Variants in RANBP2 observed in about 807,000 individuals in gnomAD.
RANBP2 encodes the protein RAN binding protein 2.
A neutral mutation model predicts 303.6 loss-of-function variants in RANBP2; 57 were observed. The ratio of observed to expected loss-of-function variants is 0.19; its 90% confidence interval spans 0.15 to 0.23. The LOEUF (loss-of-function observed/expected upper bound fraction) is 0.23, where lower values mean the gene tolerates loss of function less well. RANBP2 is among the 10% of genes least tolerant of loss of function. The probability of loss-of-function intolerance (pLI) is 1.00; values close to 1 mark genes in which losing one functional copy is unlikely to be tolerated. For missense variants in RANBP2, 3,138 were observed against 3,780.8 expected (o/e 0.83, Z 4.46); for synonymous variants, 1,167 against 1,301.5 (o/e 0.90, Z 2.23).
At chr2:108,918,079 A>G in the RANBP2 span, among the ~76,000 whole-genome samples, 1 of 152,224 alleles carries the variant, frequency 6.6e-6, no homozygotes, top group African/African-American at 2.4e-5. Context: ...GGTTTGGGCA[A>G]AACCCAGAAT....
At chr2:109,673,737 GGAA>G in the RANBP2 span, among the ~76,000 whole-genome samples, 2 of 151,958 alleles carry the variant, frequency 1.3e-5, no homozygotes, top group African/African-American at 4.8e-5. Flanking sequence ...GGTGGTGGTT[GGAA>G]GAAGGAGAAA....
chr2:109,255,811 CTGTT>C, the RANBP2 span, among the ~76,000 whole-genome samples: 1 of 152,334 alleles, frequency 6.6e-6, no homozygotes, highest in South Asian at 2.1e-4. Flanking sequence ...GCCCTGCCGA[CTGTT>C]TGTGCTTTTA....
chr2:108,724,524 G>A (rs1214383248), intron 1 of RANBP2, among the ~76,000 whole-genome samples: 1 of 152,068 alleles, frequency 6.6e-6, no homozygotes, highest in African/African-American at 2.4e-5. Context: ...TTAGGAGTCC[G>A]ATGAGATTCT....
the RANBP2 span, among the ~76,000 whole-genome samples, chr2:108,843,657 A>T: frequency 2.0e-5 from 3 of 151,850 alleles, no homozygotes; most frequent in Non-Finnish European, 4.4e-5. Context: ...TATTTTCCCC[A>T]TATATGTAAG....
the RANBP2 span, among the ~76,000 whole-genome samples, chr2:109,595,731 C>A: frequency 6.6e-6 from 1 of 152,278 alleles, no homozygotes; most frequent in Admixed American, 6.5e-5. Context: ...AAGGAAAAAA[C>A]GAACAGATTA....
In RANBP2 at chr2:108,767,121, A is replaced by G. The variant is rs1242428492; in HGVS notation, c.6582A>G (p.Glu2194=). Reference sequence around the variant, plus strand: ...ATGATCAAACAAAAGTCACTGAGGAAGAAAATAAGGGTTCAGGTACAGGTG... The same window carrying G: ...ATGATCAAACAAAAGTCACTGAGGAGGAAAATAAGGGTTCAGGTACAGGTG... ...LTNDQTKVTE[E]ENKGSGTGAA... is the part of the protein sequence containing the mutation. The change falls in exon 20 of 29, where the codon GAA becomes GAG. Residue 2194 remains glutamate, a synonymous_variant. Coordinates refer to ENST00000283195, the MANE Select transcript of RANBP2 (RefSeq NM_006267.5). The G allele has an allele frequency of 2.5e-6, 4 of 1,611,638 alleles. No individual in the cohort carries two copies. In the African/African-American group the frequency reaches 5.3e-5, roughly 22 times the overall value.
chr2:109,007,493 A>G, the RANBP2 span, among the ~76,000 whole-genome samples: 30,086 of 152,128 alleles, frequency 0.2, 3,091 homozygotes, highest in Middle Eastern at 0.32. Context: ...TCCCATATTT[A>G]CTGCCACCTC....
chr2:109,066,594 G>T, the RANBP2 span, among the ~76,000 whole-genome samples: 1 of 152,118 alleles, frequency 6.6e-6, no homozygotes, highest in African/African-American at 2.4e-5. Flanking sequence ...CTGCCCACAG[G>T]TCAATTCCGA....
the RANBP2 span, among the ~76,000 whole-genome samples, chr2:108,835,761 AACTC>A: frequency 6.6e-6 from 1 of 152,220 alleles, no homozygotes; most frequent in Admixed American, 6.5e-5. Flanking sequence ...GCAAAACTAA[AACTC>A]AGTACCAATT....
At chr2:109,404,499 C>T in the RANBP2 span, among the ~76,000 whole-genome samples, 5 of 152,098 alleles carry the variant, frequency 3.3e-5, no homozygotes, top group Admixed American at 3.3e-4. Context: ...GGGAGTGGGG[C>T]CTAGACGGAA....
the RANBP2 span, among the ~76,000 whole-genome samples, chr2:109,670,084 G>A: frequency 3.3e-5 from 5 of 152,264 alleles, no homozygotes; most frequent in East Asian, 1.9e-4. Context: ...TGCGGCAGAC[G>A]GTTCCTCCTC....
chr2:108,802,284 T>C, the RANBP2 span, among the ~76,000 whole-genome samples: 1 of 75,150 alleles, frequency 1.3e-5, no homozygotes, highest in Non-Finnish European at 2.4e-5. Flanking sequence ...TTCCATTTGT[T>C]TGTATCCTCT....
the RANBP2 span, among the ~76,000 whole-genome samples, chr2:109,152,723 C>A: frequency 2.6e-5 from 4 of 152,160 alleles, no homozygotes; most frequent in Non-Finnish European, 5.9e-5. Context: ...TTAATGGGTT[C>A]CAACTTGAGT....
chr2:108,843,157 T>C, the RANBP2 span, among the ~76,000 whole-genome samples: 6 of 152,230 alleles, frequency 3.9e-5, no homozygotes, highest in African/African-American at 1.2e-4. Context: ...TTTAGAGTAG[T>C]TATTTTTCTT....
chr2:109,542,414 C>T, the RANBP2 span, among the ~76,000 whole-genome samples: 3 of 152,332 alleles, frequency 2.0e-5, no homozygotes, highest in South Asian at 6.2e-4. Context: ...TCTTTTCAAC[C>T]AGAAACTTGA....
At chr2:109,611,811 A>C in the RANBP2 span, among the ~76,000 whole-genome samples, 2 of 152,218 alleles carry the variant, frequency 1.3e-5, no homozygotes, top group Non-Finnish European at 2.9e-5. Flanking sequence ...AGAATGGCTA[A>C]ATTAAAAATA....
At chr2:109,569,482 AT>A in the RANBP2 span, among the ~76,000 whole-genome samples, 1 of 151,584 alleles carries the variant, frequency 6.6e-6, no homozygotes, top group Non-Finnish European at 1.5e-5. Context: ...CCTATTCTAA[AT>A]TTTTTTATCT....
the RANBP2 span, among the ~76,000 whole-genome samples, chr2:109,275,989 A>ATGCCC: frequency 6.6e-6 from 1 of 152,188 alleles, no homozygotes; most frequent in Non-Finnish European, 1.5e-5. Context: ...GGAGACGAAC[A>ATGCCC]TGCCCCCATT....
chr2:109,238,274 G>A, the RANBP2 span, among the ~76,000 whole-genome samples: 47 of 152,222 alleles, frequency 3.1e-4, no homozygotes, highest in Non-Finnish European at 5.9e-4. Flanking sequence ...TAAAAATGAA[G>A]CAGGATACCA....
Sources: gnomAD v4.1 joint callset for allele counts (sites outside exome capture counted in the v4.1 genomes callset) on GRCh38, gnomAD v4.1.1 for gene constraint, MANE v1.5 for transcripts, NCBI Gene and HGNC (gene_info 2026-07-23, HGNC 2026-07-21) for gene names.